ZCCHC7: variants seen among roughly 807,000 people sequenced by gnomAD.
ZCCHC7 encodes the protein zinc finger CCHC domain-containing protein 7.
A neutral mutation model predicts 52.0 loss-of-function variants in ZCCHC7; 35 were observed. The observed-to-expected ratio is 0.67, with a 90% CI of 0.51 to 0.89. The LOEUF (loss-of-function observed/expected upper bound fraction) is 0.89, where lower values mean the gene tolerates loss of function less well. ZCCHC7 is among the 40% of genes least tolerant of loss of function. The pLI is 0.00. For synonymous variants in ZCCHC7, 217 were observed against 221.5 expected (o/e 0.98, Z 0.18); for missense variants, 574 against 649.1 (o/e 0.88, Z 1.26).
intron 1 of ZCCHC7, among the ~76,000 whole-genome samples, chr9:37,124,868 G>GTTT (rs1842476275): frequency 6.6e-6 from 1 of 152,230 alleles, no homozygotes; most frequent in South Asian, 2.1e-4. Context: ...CTAGTACAGA[G>GTTT]TTTTTAGACA....
intron 2 of ZCCHC7, among the ~76,000 whole-genome samples, chr9:37,130,334 CTTTTTTTTTTTTT>C (rs34589957): frequency 4.4e-4 from 28 of 63,136 alleles, no homozygotes; most frequent in Middle Eastern, 0.013. Context: ...GAATTCTCTC[CTTTTTTTTTTTTT>C]TTTTTTTTTT....
At chr9:37,288,287 A>T (rs1466347749) in intron 2 of ZCCHC7, among the ~76,000 whole-genome samples, 1 of 151,338 alleles carries the variant, frequency 6.6e-6, no homozygotes, top group Non-Finnish European at 1.5e-5. Flanking sequence ...CTCAAAAAAA[A>T]AAAAAAATCT....
chr9:37,170,980 TC>T (rs998392026), intron 2 of ZCCHC7, among the ~76,000 whole-genome samples: 23 of 152,184 alleles, frequency 1.5e-4, no homozygotes, highest in African/African-American at 5.3e-4. Flanking sequence ...TTTCTCCTGT[TC>T]TAGAGAAAAA....
rs1825622194 is a variant in ZCCHC7 at position 37,235,772 on chromosome 9, TAG to T, written c.611-66412_611-66411del. Among the ~76,000 whole-genome samples, 7 of 151,638 alleles carry T rather than the reference TAG, an allele frequency of 4.6e-5. No individual in the cohort carries two copies. In the South Asian group the frequency reaches 1.3e-3, roughly 27 times the overall value. On this transcript the variant is annotated intron_variant, in intron 2 of 8. Transcript: ENST00000336755. ...GCCCAGCTAATTTTTGTGTTTTTAG[TAG>T]AGACAGGGTTTTACCATGTTGGCCA...
At position 37,264,476 on chromosome 9, in the gene ZCCHC7, G is replaced by A. The variant is rs577682485; in HGVS notation, c.611-37712G>A. ...TAAATAGTCTTTTTTTTTGTGGAGG[G>A]CAGAGAATTGTGTAACTTTTATGTA... On this transcript the variant is annotated intron_variant, in intron 2 of 8. Coordinates refer to ENST00000336755, the MANE Select transcript of ZCCHC7 (RefSeq NM_032226.3). Among the ~76,000 whole-genome samples, 3 of 151,978 alleles carry A rather than the reference G, an allele frequency of 2.0e-5. No individual in the cohort carries two copies. The East Asian group carries it at 5.8e-4, about 29-fold the overall frequency.
chr9:37,198,600 G>C (rs998319072), intron 2 of ZCCHC7, among the ~76,000 whole-genome samples: 5 of 152,186 alleles, frequency 3.3e-5, no homozygotes, highest in Non-Finnish European at 7.3e-5. Flanking sequence ...ATAATACAAA[G>C]TGGAAAGTGT....
At chr9:37,222,328 AGTGTGTGTGTGTGTGTGT>A (rs74182938) in intron 2 of ZCCHC7, among the ~76,000 whole-genome samples, 116 of 133,096 alleles carry the variant, frequency 8.7e-4, no homozygotes, top group South Asian at 4.4e-3. Context: ...AGAATAACAG[AGTGTGTGTGTGTGTGTGT>A]GTGTGTGTGT....
intron 2 of ZCCHC7, among the ~76,000 whole-genome samples, chr9:37,270,634 A>T (rs1259329417): frequency 6.6e-6 from 1 of 151,514 alleles, no homozygotes. Flanking sequence ...GTGAGCCAAG[A>T]TCGCGTCACT....
rs569885561 is a variant in ZCCHC7 at position 37,131,048 on chromosome 9, A to G, written c.610+4106A>G. ...TTTAATTTCAGTGAGACATTATTAT[A>G]TTAAAAAAATGGCCAGGCCTGGTGG... is the stretch of plus-strand genomic sequence containing the variant. On this transcript the variant is annotated intron_variant, in intron 2 of 8. Transcript: ENST00000336755. Among the ~76,000 whole-genome samples the G allele has an allele frequency of 1.6e-3, 244 of 152,220 alleles. 1 individual carries two copies. The highest frequency in any genetic ancestry group is 5.6e-3 in the African/African-American group (234 of 41,550).
At chr9:37,155,250 A>C (rs1265326295) in intron 2 of ZCCHC7, among the ~76,000 whole-genome samples, 1 of 151,948 alleles carries the variant, frequency 6.6e-6, no homozygotes, top group African/African-American at 2.4e-5. Flanking sequence ...AGTCCCGGCT[A>C]CTCGGGAGGC....
chr9:37,146,442 A>G, intron 2 of ZCCHC7, among the ~76,000 whole-genome samples: 1 of 151,912 alleles, frequency 6.6e-6, no homozygotes, highest in South Asian at 2.1e-4. Flanking sequence ...GATCCTCCAA[A>G]TGAAAAATGG....
intron 2 of ZCCHC7, among the ~76,000 whole-genome samples, chr9:37,210,142 T>C (rs2133208553): frequency 6.6e-6 from 1 of 152,344 alleles, no homozygotes. Flanking sequence ...CTCTAGTGGC[T>C]GGCTCTCATC....
intron 2 of ZCCHC7, among the ~76,000 whole-genome samples, chr9:37,163,418 T>C (rs1330166856): frequency 7.3e-6 from 1 of 137,182 alleles, no homozygotes; most frequent in Non-Finnish European, 1.6e-5. Context: ...AAGAAAAAAA[T>C]AGCAGTTTTC....
intron 2 of ZCCHC7, among the ~76,000 whole-genome samples, chr9:37,159,447 T>C (rs941630369): frequency 6.6e-6 from 1 of 152,226 alleles, no homozygotes; most frequent in African/African-American, 2.4e-5. Context: ...AATTTTATTT[T>C]AACTTTAGTA....
At chr9:37,199,788 C>T (rs1823526566) in intron 2 of ZCCHC7, among the ~76,000 whole-genome samples, 1 of 152,216 alleles carries the variant, frequency 6.6e-6, no homozygotes, top group African/African-American at 2.4e-5. Flanking sequence ...TCACTGCAAG[C>T]TCCACCTCCT....
intron 2 of ZCCHC7, among the ~76,000 whole-genome samples, chr9:37,289,752 CT>C (rs1286435070): frequency 6.6e-6 from 1 of 152,162 alleles, no homozygotes; most frequent in Non-Finnish European, 1.5e-5. Flanking sequence ...CTACAAAGCC[CT>C]TCATAAACTA....
intron 2 of ZCCHC7, among the ~76,000 whole-genome samples, chr9:37,223,472 G>A (rs1217395357): frequency 6.6e-6 from 1 of 152,082 alleles, no homozygotes; most frequent in South Asian, 2.1e-4. Flanking sequence ...TATATGAAAG[G>A]TTACTGGGGG....
chr9:37,326,286 GTAAC>G (rs1174511331), intron 5 of ZCCHC7: 4 of 151,954 alleles, frequency 2.6e-5, no homozygotes. Context: ...GCTACATTTG[GTAAC>G]TAACATGATC....
intron 5 of ZCCHC7, among the ~76,000 whole-genome samples, chr9:37,319,413 C>G (rs1829964340): frequency 6.6e-6 from 1 of 151,964 alleles, no homozygotes; most frequent in Admixed American, 6.6e-5. Context: ...TTTACCCAAC[C>G]CCAGATCACA....
Sources: gnomAD v4.1 joint callset for allele counts (sites outside exome capture counted in the v4.1 genomes callset) on GRCh38, gnomAD v4.1.1 for gene constraint, MANE v1.5 for transcripts, NCBI Gene and HGNC (gene_info 2026-07-23, HGNC 2026-07-21) for gene names.